PTPRD: variants seen among roughly 807,000 people sequenced by gnomAD.
PTPRD encodes the protein protein tyrosine phosphatase receptor type D, also known as receptor-type tyrosine-protein phosphatase delta.
Under a neutral mutation model 214.5 loss-of-function variants are expected in PTPRD, and 34 were observed. That is an observed-to-expected ratio of 0.16 (90% CI 0.12 to 0.21). The LOEUF (loss-of-function observed/expected upper bound fraction) is 0.21, where lower values mean the gene tolerates loss of function less well. Among genes scored for constraint, PTPRD ranks in the 10% least tolerant of loss-of-function variants. The pLI is 1.00. For synonymous variants in PTPRD, 1,128 were observed against 845.7 expected, an observed-to-expected ratio of 1.33 and a Z score of -5.79; for missense variants, 2,545 against 2,398.7, an observed-to-expected ratio of 1.06 and a Z score of -1.27.
At chr9:9,825,016 A>G (rs2052222446) in intron 5 of PTPRD, among the ~76,000 whole-genome samples, 1 of 152,006 alleles carries the variant, frequency 6.6e-6, no homozygotes, top group East Asian at 1.9e-4. Flanking sequence ...TCTGAGTGTC[A>G]GTTTCTTATT....
chr9:10,275,664 G>A (rs1261797157), intron 3 of PTPRD, among the ~76,000 whole-genome samples: 1 of 152,128 alleles, frequency 6.6e-6, no homozygotes, highest in East Asian at 1.9e-4. Context: ...TCAAATAGAG[G>A]TAGAAATTGC....
In PTPRD at chr9:10,612,997, G is replaced by A. The variant is rs988150293; in HGVS notation, c.-1017C>T. On this transcript the variant is annotated 5_prime_UTR_variant, in exon 1 of 46. Coordinates refer to ENST00000381196, the MANE Select transcript of PTPRD (RefSeq NM_002839.4). ...CTGGCGCTCCCTCCTCGTCTCGCTC[G>A]CACTCACAGGCACACACCCCACGTC... 5.9e-5 allele frequency among the ~76,000 whole-genome samples: 9 copies of A among 151,316 alleles called. No homozygotes were observed. Among genetic ancestry groups the A allele is most frequent in the African/African-American group, 1.7e-4 (7 of 41,332 alleles).
At chr9:9,475,652 C>G (rs2094970616) in intron 8 of PTPRD, among the ~76,000 whole-genome samples, 1 of 152,136 alleles carries the variant, frequency 6.6e-6, no homozygotes, top group Non-Finnish European at 1.5e-5. Flanking sequence ...CATGTCACCT[C>G]ATTTTCACTA....
intron 8 of PTPRD, among the ~76,000 whole-genome samples, chr9:9,536,929 G>A (rs990010693): frequency 6.6e-6 from 1 of 152,000 alleles, no homozygotes; most frequent in African/African-American, 2.4e-5. Context: ...GTAGTGTAGT[G>A]TAGAGTATAG....
At chr9:10,098,820 C>T (rs1022696387) in intron 3 of PTPRD, among the ~76,000 whole-genome samples, 1 of 151,660 alleles carries the variant, frequency 6.6e-6, no homozygotes, top group East Asian at 2.0e-4. Context: ...TGGTTAACTG[C>T]GGTACTGGAA....
intron 8 of PTPRD, among the ~76,000 whole-genome samples, chr9:9,506,487 A>G (rs1384436207): frequency 6.6e-6 from 1 of 151,390 alleles, no homozygotes; most frequent in Non-Finnish European, 1.5e-5. Flanking sequence ...TTATGATTCT[A>G]AGATCATGCT....
rs1285737509 is a variant in PTPRD, at chr9:10,512,028, A to ATATACGTGTG, written c.-600+100369_-600+100370insCACACGTATA. Among the ~76,000 whole-genome samples the ATATACGTGTG allele has an allele frequency of 3.7e-3, 271 of 74,128 alleles. 2 individuals are homozygous for ATATACGTGTG. The highest frequency in any genetic ancestry group is 4.6e-3 in the Admixed American group (28 of 6,098). The allele number at this position is 74,128 out of a possible 152,430, so 48.6% of individuals were successfully genotyped here. A position where few individuals can be genotyped will look rare whatever the true frequency, so the allele number is the denominator to read the frequency against. The stretch of plus-strand genomic sequence containing the variant: ...TATATATACGTGTGTGTATATATAT[A>ATATACGTGTG]TGTATATATATATATACACACACGT... On this transcript the variant is annotated intron_variant, in intron 2 of 45. Coordinates refer to ENST00000381196, the MANE Select transcript of PTPRD (RefSeq NM_002839.4).
chr9:8,878,549 CAG>C (rs904832430), intron 11 of PTPRD, among the ~76,000 whole-genome samples: 59 of 151,818 alleles, frequency 3.9e-4, no homozygotes, highest in Non-Finnish European at 1.0e-4. Flanking sequence ...TCTTTTGAGA[CAG>C]AGTCTCACTG....
intron 11 of PTPRD, among the ~76,000 whole-genome samples, chr9:8,982,276 T>C (rs967688757): frequency 1.3e-5 from 2 of 151,968 alleles, no homozygotes; most frequent in African/African-American, 4.8e-5. Context: ...CTCCTTCCAT[T>C]GTATGCTCTG....
chr9:9,867,936 A>G (rs967743055), intron 5 of PTPRD, among the ~76,000 whole-genome samples: 3 of 152,108 alleles, frequency 2.0e-5, no homozygotes, highest in South Asian at 4.1e-4. Context: ...CATGAGTAAG[A>G]CTGTTTTTCT....
intron 8 of PTPRD, among the ~76,000 whole-genome samples, chr9:9,564,884 G>A (rs888863402): frequency 2.0e-5 from 1 of 48,842 alleles, no homozygotes; most frequent in African/African-American, 6.9e-5. Context: ...TGAATCTTCT[G>A]TTTTTTTTTT....
intron 2 of PTPRD, among the ~76,000 whole-genome samples, chr9:10,500,799 A>G (rs1488606875): frequency 6.6e-6 from 1 of 151,952 alleles, no homozygotes; most frequent in African/African-American, 2.4e-5. Flanking sequence ...GGACATGAGA[A>G]GTGTGTCTTT....
intron 39 of PTPRD, among the ~76,000 whole-genome samples, chr9:8,369,891 C>G (rs564379585): frequency 6.6e-6 from 1 of 151,758 alleles, no homozygotes; most frequent in East Asian, 1.9e-4. Flanking sequence ...TGTATTCATT[C>G]CTAACAAATG....
chr9:8,651,538 A>G (rs906430733), intron 12 of PTPRD, among the ~76,000 whole-genome samples: 1 of 152,192 alleles, frequency 6.6e-6, no homozygotes. Context: ...AACACAGTGT[A>G]ATGCAGTAAT....
intron 11 of PTPRD, among the ~76,000 whole-genome samples, chr9:8,822,450 C>A (rs772780778): frequency 6.6e-6 from 1 of 152,178 alleles, no homozygotes; most frequent in Non-Finnish European, 1.5e-5. Context: ...CAGGCGCTCA[C>A]TACAATTTGG....
At chr9:9,621,350 AAT>A (rs2095228692) in intron 7 of PTPRD, among the ~76,000 whole-genome samples, 1 of 152,194 alleles carries the variant, frequency 6.6e-6, no homozygotes, top group Non-Finnish European at 1.5e-5. Flanking sequence ...TGAAACTGCC[AAT>A]GACTTTCCAC....
At chr9:9,838,816 G>A (rs1388568385) in intron 5 of PTPRD, among the ~76,000 whole-genome samples, 5 of 152,056 alleles carry the variant, frequency 3.3e-5, no homozygotes, top group Admixed American at 2.6e-4. Context: ...ATTGCTTTTG[G>A]TGTTTTAGAC....
intron 10 of PTPRD, among the ~76,000 whole-genome samples, chr9:9,134,699 T>C (rs1007893390): frequency 3.9e-5 from 6 of 152,318 alleles, no homozygotes; most frequent in South Asian, 2.1e-4. Context: ...TTTGTCTTCA[T>C]AGCACTTTTC....
chr9:9,415,580 T>C (rs1048875927), intron 8 of PTPRD, among the ~76,000 whole-genome samples: 7 of 152,230 alleles, frequency 4.6e-5, no homozygotes, highest in African/African-American at 1.2e-4. Flanking sequence ...TCTCACTTCA[T>C]TCCCTTATAA....
Sources: allele counts gnomAD v4.1 joint callset (sites outside exome capture counted in the v4.1 genomes callset), GRCh38; gene constraint gnomAD v4.1.1; transcripts MANE v1.5; gene names NCBI Gene and HGNC (gene_info 2026-07-23, HGNC 2026-07-21).